The following MDM4 variants were observed in gnomAD, a reference collection of about 807,000 sequenced individuals.
MDM4 encodes the protein MDM4 regulator of p53.
Under a neutral mutation model 60.2 loss-of-function variants are expected in MDM4, and 2 were observed. That is an observed-to-expected ratio of 0.03 (90% CI 0.01 to 0.10). The LOEUF (loss-of-function observed/expected upper bound fraction) is 0.10, where lower values mean the gene tolerates loss of function less well. MDM4 is among the 10% of genes least tolerant of loss of function. The pLI, the probability that MDM4 is intolerant of heterozygous loss-of-function variation, is 1.00. For synonymous variants in MDM4, 202 were observed against 198.1 expected, an observed-to-expected ratio of 1.02 and a Z score of -0.17; for missense variants, 447 against 577.5, an observed-to-expected ratio of 0.77 and a Z score of 2.32.
intron 10 of MDM4, among the ~76,000 whole-genome samples, 177 bp downstream of exon 10, chr1:204,547,054 A>G (rs143553300): frequency 6.6e-6 from 1 of 152,274 alleles, no homozygotes; most frequent in African/African-American, 2.4e-5. Context: ...GGAACTTAAG[A>G]AGGGAAGGGG....
Position 204,540,619 on chromosome 1 carries a change from C to T in MDM4, c.512-2165C>T, listed in dbSNP as rs533375952. On this transcript the variant is annotated intron_variant, in intron 7 of 10. Transcript: ENST00000367182. ...CTATATTAAAAATACAAAAATTAGC[C>T]GGACATGGTGGCAGGCGCCTGTAAT... 8.6e-5 allele frequency among the ~76,000 whole-genome samples: 13 copies of T among 151,126 alleles called. No individual in the cohort carries two copies. In the East Asian group the frequency reaches 9.8e-4, roughly 11 times the overall value.
At chr1:204,526,242 C>G in intron 2 of MDM4, 118 bp from the exon 3 acceptor site, 3 of 789,754 alleles carry the variant, frequency 3.8e-6, no homozygotes, top group Non-Finnish European at 6.3e-6. Context: ...GGCGACAGAG[C>G]AAGACCTTGC....
chr1:204,524,635 G>A (rs774638601), intron 1 of MDM4, among the ~76,000 whole-genome samples: 1 of 152,188 alleles, frequency 6.6e-6, no homozygotes, highest in Non-Finnish European at 1.5e-5. Flanking sequence ...TAATGAGCTG[G>A]GCGTGGTGGC....
intron 1 of MDM4, among the ~76,000 whole-genome samples, chr1:204,518,446 A>C (rs1365613899): frequency 6.6e-6 from 1 of 152,178 alleles, no homozygotes; most frequent in Non-Finnish European, 1.5e-5. Flanking sequence ...TCTGGATTTG[A>C]CTTATTAACT....
At chr1:204,527,716 CTTA>C (rs1396783440) in intron 3 of MDM4, among the ~76,000 whole-genome samples, 3 of 150,680 alleles carry the variant, frequency 2.0e-5, no homozygotes, top group African/African-American at 7.3e-5. Flanking sequence ...ATTTAAATAA[CTTA>C]TTTAGCTTCT....
chr1:204,526,576 G>T lies in MDM4; in HGVS notation c.153+142G>T, dbSNP rs1660189260. The T allele has an allele frequency of 5.0e-6, 3 of 599,884 alleles. No individual in the cohort carries two copies. The South Asian group carries it at 6.0e-5, about 12-fold the overall frequency. The allele number at this position is 599,884 out of a possible 1,614,324, so 37.2% of individuals were successfully genotyped here. On this transcript the variant is annotated intron_variant, in intron 3 of 10. Coordinates refer to ENST00000367182, the MANE Select transcript of MDM4 (RefSeq NM_002393.5). ...CCTCCTGGGTTCACGCCATTCTCCT[G>T]CCTCAGCCTCCCGAGTAGCTGGGAT...
chr1:204,519,325 A>C (rs976739190), intron 1 of MDM4, among the ~76,000 whole-genome samples: 1 of 152,118 alleles, frequency 6.6e-6, no homozygotes, highest in Non-Finnish European at 1.5e-5. Context: ...AACAAAAAGA[A>C]ACCGCGTCTC....
rs1660541040 is a variant in MDM4, at chr1:204,528,899, G to A, written c.154-1785G>A. ...CGTCCTTGAAGCTGAGCCGAATGTT[G>A]CCTTGTACAGCTGTGTCCTTCTCCC... is the stretch of plus-strand genomic sequence containing the variant. On this transcript the variant is annotated intron_variant, in intron 3 of 10. Coordinates refer to ENST00000367182, the MANE Select transcript of MDM4 (RefSeq NM_002393.5). The A allele has an allele frequency of 5.6e-6, 9 of 1,594,128 alleles. No individual in the cohort carries two copies. The South Asian group carries it at 9.9e-5, about 18-fold the overall frequency.
intron 2 of MDM4, 113 bp from the exon 3 acceptor site, chr1:204,526,247 C>A (rs1660132748): frequency 3.6e-6 from 3 of 827,634 alleles, no homozygotes; most frequent in South Asian, 3.1e-5. Flanking sequence ...CAGAGCAAGA[C>A]CTTGCCTCAA....
At chr1:204,528,850 G>A (rs1040038997) in intron 3 of MDM4, 17 of 1,551,014 alleles carry the variant, frequency 1.1e-5, no homozygotes, top group Non-Finnish European at 1.3e-5. Context: ...TTGGGTCATA[G>A]CATCCGAGCT....
intron 5 of MDM4, 23 bp from the exon 6 acceptor site, chr1:204,537,407 C>T (rs756533807): frequency 1.2e-6 from 2 of 1,601,974 alleles, no homozygotes; most frequent in East Asian, 2.2e-5. Context: ...GAAGGTTTTC[C>T]TTTTGTTTTA....
chr1:204,532,130 C>A, intron 4 of MDM4, 61 bp from the exon 5 acceptor site: 1 of 987,252 alleles, frequency 1.0e-6, no homozygotes, highest in Non-Finnish European at 1.6e-6. Context: ...TAACGGCAAA[C>A]CACTGATATC....
intron 10 of MDM4, among the ~76,000 whole-genome samples, chr1:204,547,229 A>C (rs537725669): frequency 2.0e-5 from 3 of 152,334 alleles, no homozygotes; most frequent in African/African-American, 7.2e-5. Flanking sequence ...AGACAGACCC[A>C]TAGGCTATCT....
rs1660539455 is a variant in MDM4, at chr1:204,528,886, T to TGAGCC, written c.154-1795_154-1791dup. ...GTCATGGTGACGACGTCCTTGAAGC[T>TGAGCC]GAGCCGAATGTTGCCTTGTACAGCT... On this transcript the variant is annotated intron_variant, in intron 3 of 10. Transcript: ENST00000367182. 7.5e-6 allele frequency: 12 copies of TGAGCC among 1,593,610 alleles called. 1 individual carries two copies. In the South Asian group the frequency reaches 1.2e-4, roughly 16 times the overall value.
At chr1:204,522,802 A>T (rs1659696696) in intron 1 of MDM4, among the ~76,000 whole-genome samples, 1 of 151,926 alleles carries the variant, frequency 6.6e-6, no homozygotes, top group South Asian at 2.1e-4. Flanking sequence ...GATTACAGCT[A>T]TAAGCCTTTT....
At chr1:204,525,249 C>T (rs1156731376) in intron 1 of MDM4, 1 of 808,186 alleles carries the variant, frequency 1.2e-6, no homozygotes, top group African/African-American at 1.8e-5. Context: ...GAAACTGTTA[C>T]TGTTTCAGCC....
At chr1:204,541,946 G>A (rs2102414836) in intron 7 of MDM4, among the ~76,000 whole-genome samples, 1 of 152,332 alleles carries the variant, frequency 6.6e-6, no homozygotes, top group East Asian at 1.9e-4. Flanking sequence ...AGAAGAGAAT[G>A]AGAAAGTAAG....
chr1:204,548,572 A>G lies in MDM4; in HGVS notation c.904-541A>G, dbSNP rs149442920. Among the ~76,000 whole-genome samples the G allele has an allele frequency of 1.3e-3, 193 of 152,308 alleles. No homozygotes were observed. The Middle Eastern group carries it at 0.024, about 19-fold the overall frequency. On this transcript the variant is annotated intron_variant, in intron 10 of 10. Transcript: ENST00000367182. ...TTACTTGGCATTCAAGGACAATAAC[A>G]TTTATTTTTCAGAGGGCATGATTTA...
At chr1:204,527,592 A>C (rs566234438) in intron 3 of MDM4, among the ~76,000 whole-genome samples, 1 of 151,860 alleles carries the variant, frequency 6.6e-6, no homozygotes, top group Non-Finnish European at 1.5e-5. Flanking sequence ...GCGGTGAGCC[A>C]AGATTGTGCC....
Sources: gnomAD v4.1 joint callset for allele counts (sites outside exome capture counted in the v4.1 genomes callset) on GRCh38, gnomAD v4.1.1 for gene constraint, MANE v1.5 for transcripts, NCBI Gene and HGNC (gene_info 2026-07-23, HGNC 2026-07-21) for gene names.